Variants in LRCH2 observed in about 807,000 individuals in gnomAD.
LRCH2 encodes the protein leucine rich repeats and calponin homology domain containing 2, also known as leucine-rich repeat and calponin homology domain-containing protein 2.
Under a neutral mutation model 68.9 loss-of-function variants are expected in LRCH2, and 38 were observed. The observed-to-expected ratio is 0.55, with a 90% CI of 0.43 to 0.72. LRCH2 has a LOEUF of 0.72. Among genes scored for constraint, LRCH2 ranks in the 30% least tolerant of loss-of-function variants. The probability of loss-of-function intolerance (pLI) is 0.00; values close to 1 mark genes in which losing one functional copy is unlikely to be tolerated. For missense variants in LRCH2, 528 were observed against 572.9 expected (o/e 0.92, Z 0.80); for synonymous variants, 191 against 208.1 (o/e 0.92, Z 0.71).
intron 1 of LRCH2, among the ~76,000 whole-genome samples, chrX:115,226,320 T>C (rs1399995767): frequency 1.8e-5 from 2 of 111,987 alleles, no homozygotes; most frequent in East Asian, 5.6e-4. Flanking sequence ...TAAAACATAG[T>C]GTATGTATTA....
At chrX:115,121,414 G>A (rs1556525987) in intron 20 of LRCH2, among the ~76,000 whole-genome samples, 1 of 111,226 alleles carries the variant, frequency 9.0e-6, no homozygotes. Context: ...CACTTTGGGA[G>A]GCTGAGGCGG....
At chrX:115,206,452 G>C (rs1284484590) in intron 1 of LRCH2, among the ~76,000 whole-genome samples, 1 of 111,929 alleles carries the variant, frequency 8.9e-6, no homozygotes, top group Admixed American at 9.5e-5. Flanking sequence ...GCCCACCCAG[G>C]GCAGACAACC....
At position 115,111,470 on chromosome X, in the gene LRCH2, A is replaced by C. The variant is rs1556522717; in HGVS notation, c.*1746T>G. On this transcript the variant is annotated 3_prime_UTR_variant, in exon 21 of 21. Coordinates refer to ENST00000317135, the MANE Select transcript of LRCH2 (RefSeq NM_020871.4). ...GTAATGCTGTCAAATTTCTACATAA[A>C]AAGTCATTAACTAAGGTATTTATTT... 1 of 110,600 alleles carries C rather than the reference A, an allele frequency of 9.0e-6. No individual in the cohort carries two copies. Among genetic ancestry groups the C allele is most frequent in the Non-Finnish European group, 1.9e-5 (1 of 52,860 alleles). The allele number at this position is 110,600 out of a possible 1,213,427, so 9.1% of individuals were successfully genotyped here.
intron 14 of LRCH2, among the ~76,000 whole-genome samples, chrX:115,138,284 C>T (rs1556532647): frequency 9.0e-6 from 1 of 111,504 alleles, no homozygotes; most frequent in Non-Finnish European, 1.9e-5. Flanking sequence ...CATAGAGAGA[C>T]ACAGAAAAGA....
chrX:115,227,293 T>TAA (rs368561385), intron 1 of LRCH2, among the ~76,000 whole-genome samples: 29 of 92,039 alleles, frequency 3.2e-4, no homozygotes, highest in African/African-American at 1.1e-3. Context: ...CCTTGTCTCT[T>TAA]AAAAAAAAAA....
intron 6 of LRCH2, among the ~76,000 whole-genome samples, chrX:115,167,191 TAAAAAAAAAAAAAAAA>T (rs58298502): frequency 5.8e-3 from 49 of 8,395 alleles, no homozygotes; most frequent in African/African-American, 0.022. Context: ...AGTTTCATGC[TAAAAAAAAAAAAAAAA>T]AAAAAAAAAA....
intron 20 of LRCH2, among the ~76,000 whole-genome samples, chrX:115,121,317 G>GA (rs2072140576): frequency 9.1e-6 from 1 of 110,446 alleles, no homozygotes; most frequent in Admixed American, 9.6e-5. Flanking sequence ...ATTGAGAGTA[G>GA]AAAAAAGAAA....
At chrX:115,135,858 G>T (rs1483179924) in intron 14 of LRCH2, among the ~76,000 whole-genome samples, 1 of 111,927 alleles carries the variant, frequency 8.9e-6, no homozygotes, top group Non-Finnish European at 1.9e-5. Context: ...TCAGATAATT[G>T]TGAGTAATTT....
At position 115,191,327 on chromosome X, in the gene LRCH2, G is replaced by A. The variant is rs782302242; in HGVS notation, c.350-2957C>T. On this transcript the variant is annotated intron_variant, in intron 1 of 20. Coordinates refer to ENST00000317135, the MANE Select transcript of LRCH2 (RefSeq NM_020871.4). Reference sequence around the variant, plus strand: ...AGCCACCGCTACGGAGGAGGAGGCCGCTACGAGGAGTACCGAGGCCGCTCC... The same window carrying A: ...AGCCACCGCTACGGAGGAGGAGGCCACTACGAGGAGTACCGAGGCCGCTCC... 45 of 1,147,191 alleles carry A rather than the reference G, an allele frequency of 3.9e-5. No individual in the cohort carries two copies. The African/African-American group carries it at 4.1e-4, about 10-fold the overall frequency. The allele number at this position is 1,147,191 out of a possible 1,213,427, so 94.5% of individuals were successfully genotyped here. A position where few individuals can be genotyped will look rare whatever the true frequency, so the allele number is the denominator to read the frequency against.
intron 20 of LRCH2, among the ~76,000 whole-genome samples, chrX:115,121,984 C>A (rs908212408): frequency 1.8e-5 from 2 of 111,367 alleles, no homozygotes; most frequent in South Asian, 7.4e-4. Context: ...ATTTACAATA[C>A]TGCTTTAATG....
Position 115,148,414 on chromosome X carries a change from T to G in LRCH2, c.1695+1413A>C, listed in dbSNP as rs147275027. Among the ~76,000 whole-genome samples, 18 of 112,193 alleles carry G rather than the reference T, an allele frequency of 1.6e-4. No individual in the cohort carries two copies. The East Asian group carries it at 4.8e-3, about 30-fold the overall frequency. On this transcript the variant is annotated intron_variant, in intron 14 of 20. Transcript: ENST00000317135. ...ATAGTCAGAATTGGTATTGTTACTA[T>G]GATAAAGGAGAACTGGTTTTGTTAT...
chrX:115,229,798 C>A (rs782600375), intron 1 of LRCH2, among the ~76,000 whole-genome samples: 16 of 111,904 alleles, frequency 1.4e-4, no homozygotes, highest in African/African-American at 5.2e-4. Context: ...GTTTATCTGG[C>A]TCCATTTTAC....
At position 115,123,931 on chromosome X, in the gene LRCH2, G is replaced by C; in HGVS notation, c.1849+14C>G. The stretch of plus-strand genomic sequence containing the variant: ...ATATAACTAATAAATTTTATTTACA[G>C]AATATCTATTTACCTGATCTAGGCT... On this transcript the variant is annotated intron_variant, in intron 17 of 20. Transcript: ENST00000317135. 9.5e-7 allele frequency: 1 copy of C among 1,049,715 alleles called. No individual in the cohort carries two copies. Among genetic ancestry groups the C allele is most frequent in the African/African-American group, 1.9e-5 (1 of 52,996 alleles). The allele number at this position is 1,049,715 out of a possible 1,213,427, so 86.5% of individuals were successfully genotyped here.
At position 115,123,231 on chromosome X, in the gene LRCH2, A is replaced by G. The variant is rs782010519; in HGVS notation, c.1850-39T>C. 5 of 1,050,054 alleles carry G rather than the reference A, an allele frequency of 4.8e-6. No homozygotes were observed. In the Admixed American group the frequency reaches 1.2e-4, roughly 25 times the overall value. 86.5% of individuals were successfully genotyped at this position (1,050,054 alleles called of 1,213,427 possible). On this transcript the variant is annotated intron_variant, in intron 17 of 20. Coordinates refer to ENST00000317135, the MANE Select transcript of LRCH2 (RefSeq NM_020871.4). ...AATTTCCTAACTTGTTACAAAGTTAATGGGAAGGAGCAACTATTGATGGGG... is the reference window on the plus strand; with the variant it reads ...AATTTCCTAACTTGTTACAAAGTTAGTGGGAAGGAGCAACTATTGATGGGG...
At chrX:115,137,430 A>C (rs1032494765) in intron 14 of LRCH2, among the ~76,000 whole-genome samples, 6 of 108,960 alleles carry the variant, frequency 5.5e-5, no homozygotes, top group Non-Finnish European at 1.1e-4. Flanking sequence ...AACACTCCAG[A>C]GAGAGCTTTT....
intron 14 of LRCH2, among the ~76,000 whole-genome samples, chrX:115,134,784 T>C (rs1274593736): frequency 9.8e-6 from 1 of 102,468 alleles, no homozygotes; most frequent in Non-Finnish European, 2.0e-5. Flanking sequence ...CATTCTGCAG[T>C]GCATGGATCA....
chrX:115,198,139 C>A (rs1304826833), intron 1 of LRCH2, among the ~76,000 whole-genome samples: 1 of 105,929 alleles, frequency 9.4e-6, no homozygotes, highest in Middle Eastern at 4.5e-3. Context: ...CATAGGTATA[C>A]ATGTGCCAAT....
intron 6 of LRCH2, among the ~76,000 whole-genome samples, chrX:115,169,468 A>G (rs782187752): frequency 2.5e-3 from 278 of 111,874 alleles, no homozygotes; most frequent in African/African-American, 8.3e-3. Context: ...TAATCTTTAA[A>G]AACTGAATCT....
chrX:115,217,451 T>C (rs901504740), intron 1 of LRCH2, among the ~76,000 whole-genome samples: 6 of 110,915 alleles, frequency 5.4e-5, no homozygotes, highest in Admixed American at 4.8e-4. Flanking sequence ...ATTGTTCAAC[T>C]CCCACTTATG....
Sources: allele counts gnomAD v4.1 joint callset (sites outside exome capture counted in the v4.1 genomes callset), GRCh38; gene constraint gnomAD v4.1.1; transcripts MANE v1.5; gene names NCBI Gene and HGNC (gene_info 2026-07-23, HGNC 2026-07-21).